Variants in USP9X observed in about 807,000 individuals in gnomAD.
The protein encoded by USP9X is ubiquitin carboxyl-terminal hydrolase 9X.
A neutral mutation model predicts 190.3 loss-of-function variants in USP9X; 7 were observed. The observed-to-expected ratio is 0.04, with a 90% confidence interval of 0.02 to 0.07. The LOEUF is 0.07. Among genes scored for constraint, USP9X ranks in the 10% least tolerant of loss-of-function variants. USP9X has a pLI of 1.00. For missense variants in USP9X, 1,010 were observed against 1,916.9 expected, an observed-to-expected ratio of 0.53 and a Z score of 8.83; for synonymous variants, 645 against 659.5, an observed-to-expected ratio of 0.98 and a Z score of 0.34.
intron 23 of USP9X, among the ~76,000 whole-genome samples, chrX:41,185,134 A>G (rs1227390559): frequency 3.6e-5 from 4 of 112,268 alleles, no homozygotes; most frequent in African/African-American, 9.7e-5. Context: ...AGAATTTGAT[A>G]CTTATTTATG....
At chrX:41,087,223 C>T (rs1412210457) in intron 1 of USP9X, among the ~76,000 whole-genome samples, 1 of 112,336 alleles carries the variant, frequency 8.9e-6, no homozygotes, top group Non-Finnish European at 1.9e-5. Context: ...GTGTACTGTT[C>T]TTTTACCTGG....
At chrX:41,214,421 A>G (rs751628598) in intron 33 of USP9X, 147 bp from the exon 34 acceptor site, 96 of 487,463 alleles carry the variant, frequency 2.0e-4, no homozygotes, top group Non-Finnish European at 2.8e-4. Context: ...ACATGTATAC[A>G]TATGTAACAA....
At chrX:41,165,386 C>T (rs1475003919) in intron 15 of USP9X, among the ~76,000 whole-genome samples, 4 of 111,700 alleles carry the variant, frequency 3.6e-5, no homozygotes, top group Admixed American at 9.5e-5. Flanking sequence ...CCACCACACC[C>T]GGCTAATTTT....
chrX:41,226,017 A>G (rs754457614), intron 41 of USP9X, among the ~76,000 whole-genome samples: 3 of 112,721 alleles, frequency 2.7e-5, no homozygotes, highest in Admixed American at 1.9e-4. Context: ...TCTGGACTTC[A>G]GCTAGGAACG....
intron 2 of USP9X, 123 bp from the exon 3 acceptor site, chrX:41,128,877 A>C: frequency 1.4e-6 from 1 of 724,197 alleles, no homozygotes; most frequent in Non-Finnish European, 2.0e-6. Flanking sequence ...TGCAGAACCC[A>C]TGGATATGTA....
rs973159820 is a variant in USP9X, at chrX:41,218,340, T to G, written c.6210-32T>G. 5 of 1,182,586 alleles carry G rather than the reference T, an allele frequency of 4.2e-6. No individual in the cohort carries two copies. In the African/African-American group the frequency reaches 8.9e-5, roughly 21 times the overall value. The stretch of plus-strand genomic sequence containing the variant: ...TACTATAGAGAACAAGTTATTGACT[T>G]AATAGTCATAGGTTTTTTTGTTTTA... On this transcript the variant is annotated intron_variant, in intron 36 of 44. Coordinates refer to ENST00000378308, the MANE Select transcript of USP9X (RefSeq NM_001039591.3).
rs1037100851 is a variant in USP9X, at chrX:41,140,462, C to T, written c.655-194C>T. Among the ~76,000 whole-genome samples, 5 of 111,943 alleles carry T rather than the reference C, an allele frequency of 4.5e-5. No homozygotes were observed. The Admixed American group carries it at 4.8e-4, about 11-fold the overall frequency. On this transcript the variant is annotated intron_variant, in intron 6 of 44. Coordinates refer to ENST00000378308, the MANE Select transcript of USP9X (RefSeq NM_001039591.3). ...CAGAACTATGCCCCAGTGATTTAAT[C>T]TATACTTACTACGTATACTGCTTCT... is the stretch of plus-strand genomic sequence containing the variant.
intron 26 of USP9X, among the ~76,000 whole-genome samples, chrX:41,192,527 T>G (rs2284116): frequency 0.13 from 14,788 of 111,554 alleles, 894 homozygotes; most frequent in East Asian, 0.21. Flanking sequence ...ACTTTGCCAC[T>G]CCTGGGATAG....
At chrX:41,096,391 A>T (rs542175532) in intron 1 of USP9X, among the ~76,000 whole-genome samples, 25 of 112,546 alleles carry the variant, frequency 2.2e-4, no homozygotes, top group African/African-American at 7.1e-4. Context: ...GTGAGAATGT[A>T]GTCAGTGGAA....
intron 25 of USP9X, 87 bp downstream of exon 25, chrX:41,188,204 T>C: frequency 1.1e-6 from 1 of 937,835 alleles, no homozygotes; most frequent in African/African-American, 1.9e-5. Context: ...TTTGCTATTT[T>C]TAAAAATTGA....
intron 9 of USP9X, 81 bp from the exon 10 acceptor site, chrX:41,143,205 CTTATA>C (rs1803114123): frequency 1.5e-6 from 1 of 688,705 alleles, no homozygotes; most frequent in Non-Finnish European, 2.0e-6. Context: ...TTTGAATTTC[CTTATA>C]TTATTTAATA....
chrX:41,187,239 A>G (rs1041109628), intron 24 of USP9X, among the ~76,000 whole-genome samples: 3 of 112,401 alleles, frequency 2.7e-5, no homozygotes, highest in African/African-American at 9.7e-5. Context: ...TTCCCCAGGT[A>G]ACTACTGCTC....
chrX:41,170,618 T>C lies in USP9X; in HGVS notation c.3026T>C (p.Val1009Ala). The C allele has an allele frequency of 8.3e-7, 1 of 1,208,006 alleles. No homozygotes were observed. Among genetic ancestry groups the C allele is most frequent in the Non-Finnish European group, 1.1e-6 (1 of 893,793 alleles). Residue 1009 changes from valine (V) to alanine (A), a missense_variant and splice_region_variant, in exon 20 of 45, where the codon GTG becomes GCG. By Grantham distance (64) the Val-to-Ala change is moderately conservative (BLOSUM62 0). Around this residue, in one of 11 missense-constraint regions of USP9X, gnomAD observed 351 missense variants for 480.8 expected, o/e 0.73. Transcript: ENST00000378308. ...GAAGTGGAAAGCTGTTTGCCTGGAG[T>C]GGTGAGTAGATACAGTTTTGAACTA... is the stretch of plus-strand genomic sequence containing the variant. ...NPEVESCLPG[V>A]IMSLHPRYIS...
intron 15 of USP9X, among the ~76,000 whole-genome samples, chrX:41,163,734 CAAA>C (rs771852864): frequency 1.3e-5 from 1 of 79,426 alleles, no homozygotes. Flanking sequence ...GACCCTGTCT[CAAA>C]AAAAAAAAAA....
Position 41,197,352 on chromosome X carries a change from C to CCCCCCGGGGGG in USP9X, c.4234-12_4234-11insCCCCCGGGGGG. The stretch of plus-strand genomic sequence containing the variant: ...TTCTTCCCCCCCCCACCCCACCCCC[C>CCCCCCGGGGGG]GCCTTTGGCAGGATGATGTTAAAAG... On this transcript the variant is annotated splice_polypyrimidine_tract_variant and intron_variant, in intron 28 of 44. Coordinates refer to ENST00000378308, the MANE Select transcript of USP9X (RefSeq NM_001039591.3). The CCCCCCGGGGGG allele has an allele frequency of 8.1e-6, 8 of 988,122 alleles. No homozygotes were observed. The highest frequency in any genetic ancestry group is 1.1e-5 in the Non-Finnish European group (8 of 759,303). 81.4% of individuals were successfully genotyped at this position (988,122 alleles called of 1,213,427 possible). A position where few individuals can be genotyped will look rare whatever the true frequency, so the allele number is the denominator to read the frequency against.
chrX:41,143,519 A>G, intron 10 of USP9X, 76 bp downstream of exon 10: 1 of 913,856 alleles, frequency 1.1e-6, no homozygotes. Flanking sequence ...AGTAGCTGTC[A>G]TGAAATGGAT....
intron 9 of USP9X, 145 bp from the exon 10 acceptor site, chrX:41,143,146 A>T: frequency 2.4e-6 from 1 of 408,507 alleles, no homozygotes; most frequent in Non-Finnish European, 3.8e-6. Context: ...ATTTTCCATT[A>T]AAGCAACACA....
chrX:41,119,067 A>G (rs185340986), intron 1 of USP9X, among the ~76,000 whole-genome samples: 2 of 112,019 alleles, frequency 1.8e-5, no homozygotes, highest in Non-Finnish European at 3.8e-5. Context: ...TGCGTCCCCT[A>G]ATGCACATAC....
intron 26 of USP9X, among the ~76,000 whole-genome samples, chrX:41,194,020 T>C (rs112637344): frequency 0.034 from 3,804 of 111,775 alleles, 150 homozygotes; most frequent in African/African-American, 0.12. Flanking sequence ...ACCAAAGCAG[T>C]GGGAATAGCA....
Sources: gnomAD v4.1 joint callset for allele counts (sites outside exome capture counted in the v4.1 genomes callset) on GRCh38, gnomAD v4.1.1 for gene constraint, gnomAD v4.1.1 regional missense constraint, MANE v1.5 for transcripts, NCBI Gene and HGNC (gene_info 2026-07-23, HGNC 2026-07-21) for gene names.